The following FGD5 variants were observed in gnomAD, a reference collection of about 807,000 sequenced individuals.
The protein encoded by FGD5 is FYVE, RhoGEF and PH domain containing 5, also known as FYVE, RhoGEF and PH domain-containing protein 5.
Under a neutral mutation model 133.4 loss-of-function variants are expected in FGD5, and 28 were observed. That is an observed-to-expected ratio of 0.21 (90% CI 0.16 to 0.29). FGD5 has a LOEUF of 0.29. Ranked by LOEUF, FGD5 falls within the 10% of genes least tolerant of loss-of-function variation. The pLI is 1.00. For synonymous variants in FGD5, 810 were observed against 776.5 expected (o/e 1.04, Z -0.72); for missense variants, 1,858 against 1,895.2 (o/e 0.98, Z 0.36).
At chr3:14,897,716 G>A (rs746484154) in intron 5 of FGD5, 47 bp downstream of exon 5, 60 of 1,540,218 alleles carry the variant, frequency 3.9e-5, no homozygotes, top group Non-Finnish European at 4.9e-5. Flanking sequence ...TGCACTGGGG[G>A]AATGGAGACG....
At position 14,820,317 on chromosome 3, in the gene FGD5, G is replaced by A. The variant is rs751117347; in HGVS notation, c.1246G>A (p.Val416Met). ...EGPAAPDVVV[V>M]LEEEALDDAL... is the part of the protein sequence containing the mutation. ...TCCCGCAGCCCCTGATGTGGTGGTC[G>A]TGCTGGAGGAGGAGGCCTTGGATGA... is the stretch of plus-strand genomic sequence containing the variant. The change falls in exon 1 of 20, where the codon GTG (valine) becomes ATG (methionine). Residue 416 changes from valine (V) to methionine (M), a missense_variant. Val to Met is a conservative substitution (Grantham distance 21, BLOSUM62 1). Transcript: ENST00000285046. 10 of 1,608,742 alleles carry A rather than the reference G, an allele frequency of 6.2e-6. No homozygotes were observed. Among genetic ancestry groups the A allele is most frequent in the Non-Finnish European group, 7.6e-6 (9 of 1,177,016 alleles).
At chr3:14,885,278 TA>T (rs1280980396) in intron 4 of FGD5, among the ~76,000 whole-genome samples, 12 of 151,440 alleles carry the variant, frequency 7.9e-5, no homozygotes, top group Admixed American at 6.6e-4. Context: ...CTGTATTTAT[TA>T]GGCAAAACAG....
chr3:14,910,791 T>C, intron 10 of FGD5, 70 bp from the exon 11 acceptor site: 1 of 1,416,782 alleles, frequency 7.1e-7, no homozygotes, highest in Non-Finnish European at 9.8e-7. Flanking sequence ...CTCAGGGGCC[T>C]CCCCTGCACC....
Position 14,819,736 on chromosome 3 carries a change from C to T in FGD5, c.665C>T (p.Ala222Val), listed in dbSNP as rs1316723114. The T allele has an allele frequency of 4.6e-6, 7 of 1,535,326 alleles. No individual in the cohort carries two copies. Among genetic ancestry groups the T allele is most frequent in the South Asian group, 1.2e-5 (1 of 80,190 alleles). Residue 222 changes from alanine (A) to valine (V), a missense_variant, in exon 1 of 20, where the codon GCC becomes GTC. Ala to Val is a moderately conservative substitution (Grantham distance 64, BLOSUM62 0). Transcript: ENST00000285046. This position sits in a 1 kb window ranked among gnomAD's most constrained non-coding sequence, Gnocchi z 4.1. ...GAGGAGGATGATGAGGAAGGCTGTGCCAGCACAGACCCAGCAGGGGCAGAT... is the reference window on the plus strand; with the variant it reads ...GAGGAGGATGATGAGGAAGGCTGTGTCAGCACAGACCCAGCAGGGGCAGAT... ...EAEEDDEEGCASTDPAGADEG... is the reference protein window; with the variant it reads ...EAEEDDEEGCVSTDPAGADEG...
chr3:14,837,302 T>C (rs1024094447), intron 1 of FGD5, among the ~76,000 whole-genome samples: 9 of 151,966 alleles, frequency 5.9e-5, no homozygotes. Context: ...TGTAACAAGG[T>C]CTTTTGAGGC....
At chr3:14,822,572 C>T (rs1007622826) in intron 1 of FGD5, among the ~76,000 whole-genome samples, 1 of 151,526 alleles carries the variant, frequency 6.6e-6, no homozygotes, top group Non-Finnish European at 1.5e-5. Flanking sequence ...GTGTTCTGAC[C>T]TCACCTTCCC....
chr3:14,873,118 ATGT>A (rs1329579430), intron 2 of FGD5, among the ~76,000 whole-genome samples: 8 of 152,174 alleles, frequency 5.3e-5, no homozygotes, highest in Non-Finnish European at 8.8e-5. Context: ...TGCTGGTCAG[ATGT>A]TGTGTCTAAA....
chr3:14,910,846 C>A lies in FGD5; in HGVS notation c.3337-15C>A. The A allele has an allele frequency of 6.2e-7, 1 of 1,612,066 alleles. No individual in the cohort carries two copies. On this transcript the variant is annotated splice_polypyrimidine_tract_variant and intron_variant, in intron 10 of 19. Transcript: ENST00000285046. ...GCATCAGCCTGACCGCCAAGTTCTGCTTCTCTCCCCACAGGAGTTTCTGAA... is the reference window on the plus strand; with the variant it reads ...GCATCAGCCTGACCGCCAAGTTCTGATTCTCTCCCCACAGGAGTTTCTGAA...
intron 10 of FGD5, among the ~76,000 whole-genome samples, chr3:14,910,310 C>T (rs1037333509): frequency 2.0e-5 from 3 of 152,330 alleles, no homozygotes; most frequent in South Asian, 2.1e-4. Context: ...CACCCGCACG[C>T]ATCTCCTTAA....
At chr3:14,882,857 A>G (rs1027362377) in intron 4 of FGD5, among the ~76,000 whole-genome samples, 3 of 152,134 alleles carry the variant, frequency 2.0e-5, no homozygotes, top group African/African-American at 7.2e-5. Context: ...AAGGAGACCC[A>G]TAGACTTTGG....
At chr3:14,811,670 G>A (rs1434560475) in intron 1 of FGD5, among the ~76,000 whole-genome samples, 1 of 152,118 alleles carries the variant, frequency 6.6e-6, no homozygotes, top group African/African-American at 2.4e-5. Context: ...TGAAATCGCA[G>A]GGATCCCTCC....
rs374663996 is a variant in FGD5, at chr3:14,887,801, G to A, written c.2748+7029G>A. ...AGGAAAATGTGTTGAATAGCCAGGT[G>A]GGGGTGCAGTGAAGAAGGCTGTGCC... is the stretch of plus-strand genomic sequence containing the variant. On this transcript the variant is annotated intron_variant, in intron 4 of 19. Coordinates refer to ENST00000285046, the MANE Select transcript of FGD5 (RefSeq NM_152536.4). Among the ~76,000 whole-genome samples the A allele has an allele frequency of 3.9e-5, 6 of 152,208 alleles. 1 individual carries two copies. The South Asian group carries it at 1.2e-3, about 32-fold the overall frequency.
chr3:14,886,625 C>T (rs143917780), intron 4 of FGD5, among the ~76,000 whole-genome samples: 177 of 152,352 alleles, frequency 1.2e-3, no homozygotes, highest in Non-Finnish European at 2.3e-3. Context: ...CTTCCCTCCT[C>T]TGCACTCCCT....
At chr3:14,930,425 G>A (rs898120768) in intron 18 of FGD5, among the ~76,000 whole-genome samples, 7 of 152,022 alleles carry the variant, frequency 4.6e-5, no homozygotes, top group African/African-American at 1.7e-4. Flanking sequence ...ATGAAACCCC[G>A]TCTCTACTAA....
At position 14,900,424 on chromosome 3, in the gene FGD5, C is replaced by T. The variant is rs761384761; in HGVS notation, c.3176C>T (p.Pro1059Leu). 1.1e-5 allele frequency: 18 copies of T among 1,613,286 alleles called. No homozygotes were observed. The highest frequency in any genetic ancestry group is 5.3e-5 in the African/African-American group (4 of 74,898). The part of the protein sequence containing the change: ...LLTDYLNNLC[P>L]DSAEYDNTQG... ...ACAGACTATTTAAACAACCTTTGTC[C>T]GGACTCCGCCGAGTACGACAACACA... Residue 1059 changes from proline (P) to leucine (L), a missense_variant, in exon 8 of 20, where the codon CCG becomes CTG. Coordinates refer to ENST00000285046, the MANE Select transcript of FGD5 (RefSeq NM_152536.4).
At chr3:14,929,642 A>G (rs2038869602) in intron 18 of FGD5, among the ~76,000 whole-genome samples, 1 of 152,092 alleles carries the variant, frequency 6.6e-6, no homozygotes, top group South Asian at 2.1e-4. Context: ...CTTATTGGCC[A>G]CTCATATTTC....
intron 1 of FGD5, among the ~76,000 whole-genome samples, chr3:14,841,911 C>T (rs1001269405): frequency 2.0e-5 from 3 of 152,192 alleles, no homozygotes; most frequent in African/African-American, 7.2e-5. Context: ...CCTTTCTTTC[C>T]AGCGAGGACT....
chr3:14,833,047 G>A (rs1331954425), intron 1 of FGD5, among the ~76,000 whole-genome samples: 14 of 152,144 alleles, frequency 9.2e-5, no homozygotes, highest in Non-Finnish European at 1.8e-4. Flanking sequence ...ATTTCTGAGC[G>A]ACGAATTAAT....
chr3:14,864,729 G>A (rs1442152484), intron 2 of FGD5, among the ~76,000 whole-genome samples: 1 of 152,222 alleles, frequency 6.6e-6, no homozygotes, highest in East Asian at 1.9e-4. Flanking sequence ...TGAGGGGATG[G>A]AGTTGCTGGA....
Sources: gnomAD v4.1 joint callset for allele counts (sites outside exome capture counted in the v4.1 genomes callset) on GRCh38, gnomAD v4.1.1 for gene constraint, Gnocchi (gnomAD v3.1) non-coding constraint, MANE v1.5 for transcripts, NCBI Gene and HGNC (gene_info 2026-07-23, HGNC 2026-07-21) for gene names.